Variants in GOLGA1 observed in about 807,000 individuals in gnomAD.
GOLGA1 encodes the protein golgin subfamily A member 1.
A neutral mutation model predicts 119.7 loss-of-function variants in GOLGA1; 63 were observed. The observed-to-expected ratio is 0.53, with a 90% CI of 0.43 to 0.65. GOLGA1 has a LOEUF of 0.65. GOLGA1 is among the 30% of genes least tolerant of loss of function. The pLI is 0.00. For synonymous variants in GOLGA1, 318 were observed against 333.4 expected, an observed-to-expected ratio of 0.95 and a Z score of 0.50; for missense variants, 798 against 912.8, an observed-to-expected ratio of 0.87 and a Z score of 1.62.
At chr9:124,909,729 T>G (rs1391702764) in intron 11 of GOLGA1, among the ~76,000 whole-genome samples, 1 of 152,068 alleles carries the variant, frequency 6.6e-6, no homozygotes, top group Non-Finnish European at 1.5e-5. Context: ...GAAATCAGAA[T>G]TTCTGAGGGT....
intron 15 of GOLGA1, among the ~76,000 whole-genome samples, chr9:124,890,745 C>G (rs1349076167): frequency 1.3e-5 from 2 of 152,192 alleles, no homozygotes; most frequent in Non-Finnish European, 2.9e-5. Context: ...GGACCCACAC[C>G]AAGGCTAGGG....
chr9:124,890,121 A>G (rs1239657908), intron 16 of GOLGA1, among the ~76,000 whole-genome samples: 2 of 152,202 alleles, frequency 1.3e-5, no homozygotes, highest in African/African-American at 4.8e-5. Flanking sequence ...AGAGCCCACT[A>G]GGCCCGTGGA....
intron 20 of GOLGA1, 33 bp downstream of exon 20, chr9:124,882,477 G>A: frequency 6.4e-7 from 1 of 1,552,828 alleles, no homozygotes; most frequent in Non-Finnish European, 8.9e-7. Flanking sequence ...GGGAGTGCTG[G>A]GAAGTGGGGC....
At chr9:124,926,671 G>C in intron 7 of GOLGA1, 38 bp downstream of exon 7, 3 of 1,409,132 alleles carry the variant, frequency 2.1e-6, no homozygotes, top group East Asian at 2.3e-5. Flanking sequence ...CCAGAGACGA[G>C]ACCAACAAAA....
Position 124,879,875 on chromosome 9 carries a change from T to A in GOLGA1, c.*655A>T, listed in dbSNP as rs1418465462. 6.6e-6 allele frequency: 1 copy of A among 152,600 alleles called. No individual in the cohort carries two copies. Among genetic ancestry groups the A allele is most frequent in the Non-Finnish European group, 1.5e-5 (1 of 68,052 alleles). 9.5% of individuals were successfully genotyped at this position (152,600 alleles called of 1,614,324 possible). A position where few individuals can be genotyped will look rare whatever the true frequency, so the allele number is the denominator to read the frequency against. On this transcript the variant is annotated 3_prime_UTR_variant, in exon 23 of 23. Coordinates refer to ENST00000373555, the MANE Select transcript of GOLGA1 (RefSeq NM_002077.4). ...TGAGTGTATTTGGTACTAAGGGTCT[T>A]TTCATATATTTGCTAGTTTTCTTAA...
At chr9:124,893,676 TC>T (rs1250621368) in intron 15 of GOLGA1, among the ~76,000 whole-genome samples, 1 of 152,134 alleles carries the variant, frequency 6.6e-6, no homozygotes, top group Non-Finnish European at 1.5e-5. Context: ...GCTTTCAGGA[TC>T]TCCCAGGCTG....
At chr9:124,926,955 A>T (rs558075309) in intron 6 of GOLGA1, among the ~76,000 whole-genome samples, 71 of 152,244 alleles carry the variant, frequency 4.7e-4, no homozygotes, top group Admixed American at 7.2e-4. Context: ...AAGATTCTAG[A>T]ATGGAATGAA....
At position 124,890,532 on chromosome 9, in the gene GOLGA1, G is replaced by A. The variant is rs112448305; in HGVS notation, c.1408-54C>T. ...AAACTTAGTTCACAGTTTTTTAGCT[G>A]TATGCCACGCAAGAAGCCCAGCAGA... On this transcript the variant is annotated intron_variant, in intron 15 of 22. Transcript: ENST00000373555. 8,605 of 1,323,996 alleles carry A rather than the reference G, an allele frequency of 6.5e-3. 355 individuals carry two copies. In the African/African-American group the frequency reaches 0.096, roughly 15 times the overall value. 82.0% of individuals were successfully genotyped at this position (1,323,996 alleles called of 1,614,324 possible). A position where few individuals can be genotyped will look rare whatever the true frequency, so the allele number is the denominator to read the frequency against.
At position 124,882,579 on chromosome 9, in the gene GOLGA1, G is replaced by GCCCCA; in HGVS notation, c.1906-15_1906-11dup. 3.1e-6 allele frequency: 5 copies of GCCCCA among 1,609,778 alleles called. No homozygotes were observed. The highest frequency in any genetic ancestry group is 4.2e-6 in the Non-Finnish European group (5 of 1,178,032). ...GCATCTGCTTTATGGTCTGCGACAAGCCCCACCCCACAGAAAGCCAATCGT... is the reference window on the plus strand; with the variant it reads ...GCATCTGCTTTATGGTCTGCGACAAGCCCCACCCCACCCCACAGAAAGCCAATCGT... On this transcript the variant is annotated splice_polypyrimidine_tract_variant and intron_variant, in intron 19 of 22. Coordinates refer to ENST00000373555, the MANE Select transcript of GOLGA1 (RefSeq NM_002077.4).
intron 12 of GOLGA1, among the ~76,000 whole-genome samples, chr9:124,903,239 G>T (rs959224266): frequency 1.3e-5 from 2 of 152,168 alleles, no homozygotes; most frequent in Admixed American, 6.5e-5. Context: ...TGTAATCCCA[G>T]CATTTTGGAA....
At chr9:124,938,936 T>C in intron 2 of GOLGA1, 70 bp from the exon 3 acceptor site, 1 of 440,518 alleles carries the variant, frequency 2.3e-6, no homozygotes, top group South Asian at 4.8e-5. Flanking sequence ...AGTTGTTAAG[T>C]TTTAGATTTC....
intron 13 of GOLGA1, 147 bp downstream of exon 13, chr9:124,900,305 T>C (rs2304954): frequency 0.029 from 15,630 of 536,370 alleles, 1,032 homozygotes; most frequent in East Asian, 0.22. Context: ...CCCCTGCTGC[T>C]GGCCTGCTCA....
intron 10 of GOLGA1, among the ~76,000 whole-genome samples, chr9:124,915,680 T>A (rs1830425057): frequency 6.6e-6 from 1 of 152,066 alleles, no homozygotes; most frequent in African/African-American, 2.4e-5. Context: ...GGAGATCTTT[T>A]CTCTACAAAA....
intron 10 of GOLGA1, among the ~76,000 whole-genome samples, chr9:124,916,877 C>CAAAAAAAAAAAAAAA (rs71494043): frequency 2.4e-5 from 1 of 41,216 alleles, no homozygotes; most frequent in Non-Finnish European, 4.1e-5. Flanking sequence ...CCCTGACACA[C>CAAAAAAAAAAAAAAA]AAAAAAAAAA....
rs531633849 is a variant in GOLGA1, at chr9:124,888,103, T to C, written c.1905+150A>G. 2 of 715,722 alleles carry C rather than the reference T, an allele frequency of 2.8e-6. No individual in the cohort carries two copies. The highest frequency in any genetic ancestry group is 2.5e-5 in the East Asian group (1 of 40,148). 44.3% of individuals were successfully genotyped at this position (715,722 alleles called of 1,614,324 possible). Reference sequence around the variant, plus strand: ...AGGACAGTGCAGGAGGAACGGAAGATCAGGAGGAAGGCCTTTGGGTGAGAG... The same window carrying C: ...AGGACAGTGCAGGAGGAACGGAAGACCAGGAGGAAGGCCTTTGGGTGAGAG... On this transcript the variant is annotated intron_variant, in intron 19 of 22. Transcript: ENST00000373555. This position sits in a 1 kb window ranked among gnomAD's most constrained non-coding sequence, Gnocchi z 4.4.
chr9:124,917,585 C>T (rs898816974), intron 10 of GOLGA1, among the ~76,000 whole-genome samples: 2 of 152,170 alleles, frequency 1.3e-5, no homozygotes, highest in African/African-American at 4.8e-5. Context: ...ATCTTACGGT[C>T]GAACAACTGC....
intron 15 of GOLGA1, among the ~76,000 whole-genome samples, chr9:124,891,765 C>G (rs556008552): frequency 9.2e-5 from 14 of 151,904 alleles, no homozygotes; most frequent in Non-Finnish European, 1.8e-4. Flanking sequence ...CTGCCTCCCC[C>G]TCCCGAGTAG....
intron 11 of GOLGA1, among the ~76,000 whole-genome samples, chr9:124,910,839 C>T (rs965629677): frequency 1.3e-5 from 2 of 152,094 alleles, no homozygotes; most frequent in African/African-American, 2.4e-5. Flanking sequence ...AATCTAGGGA[C>T]GATGATGATC....
intron 11 of GOLGA1, among the ~76,000 whole-genome samples, chr9:124,909,914 G>A (rs1013099205): frequency 6.6e-6 from 1 of 151,928 alleles, no homozygotes; most frequent in Non-Finnish European, 1.5e-5. Flanking sequence ...ACAGGCACCC[G>A]CCACCATGCC....
Sources: gnomAD v4.1 joint callset for allele counts (sites outside exome capture counted in the v4.1 genomes callset) on GRCh38, gnomAD v4.1.1 for gene constraint, Gnocchi (gnomAD v3.1) non-coding constraint, MANE v1.5 for transcripts, NCBI Gene and HGNC (gene_info 2026-07-23, HGNC 2026-07-21) for gene names.